The following PARP8 variants were observed in gnomAD, a reference collection of about 807,000 sequenced individuals.
PARP8 encodes the protein protein mono-ADP-ribosyltransferase PARP8.
In PARP8, 51 loss-of-function variants were observed where a neutral mutation model predicts 124.1. The observed-to-expected ratio is 0.41, with a 90% CI of 0.33 to 0.52. PARP8 has a LOEUF of 0.52. Ranked by LOEUF, PARP8 falls within the 20% of genes least tolerant of loss-of-function variation. The pLI, the probability that PARP8 is intolerant of heterozygous loss-of-function variation, is 0.21. For missense variants in PARP8, 860 were observed against 1,018.9 expected (o/e 0.84, Z 2.12); for synonymous variants, 391 against 361.5 (o/e 1.08, Z -0.93).
chr5:50,682,928 C>A (rs1438508435), intron 2 of PARP8, among the ~76,000 whole-genome samples: 4 of 57,026 alleles, frequency 7.0e-5, no homozygotes, highest in African/African-American at 1.9e-4. Context: ...GTCTAATAAG[C>A]GTGAGTACAT....
chr5:50,706,162 A>G (rs1754127806), intron 2 of PARP8, among the ~76,000 whole-genome samples: 1 of 152,134 alleles, frequency 6.6e-6, no homozygotes, highest in Non-Finnish European at 1.5e-5. Flanking sequence ...TATCAGTGTT[A>G]TATGTTAAAT....
intron 1 of PARP8, chr5:50,667,719 A>G: frequency 2.9e-6 from 2 of 700,170 alleles, no homozygotes; most frequent in Non-Finnish European, 5.2e-6. Context: ...CGGATTCCCA[A>G]GGCACCCAGC....
intron 2 of PARP8, among the ~76,000 whole-genome samples, chr5:50,721,587 T>A (rs1258707238): frequency 6.6e-6 from 1 of 152,088 alleles, no homozygotes; most frequent in East Asian, 1.9e-4. Context: ...GTTCTGTGCC[T>A]TTCATTTCTG....
Position 50,834,986 on chromosome 5 carries a change from T to C in PARP8, c.2433T>C (p.Thr811=), listed in dbSNP as rs1747404883. 1 of 1,613,270 alleles carries C rather than the reference T, an allele frequency of 6.2e-7. No homozygotes were observed. Among genetic ancestry groups the C allele is most frequent in the Non-Finnish European group, 8.5e-7 (1 of 1,179,590 alleles). The part of the protein sequence containing the change: ...KHGEIWVVPN[T]DHVCTRFFFV... Reference sequence around the variant, plus strand: ...GAGAGATATGGGTTGTCCCCAATACTGACCATGTCTGCACACGATTCTTTT... The same window carrying C: ...GAGAGATATGGGTTGTCCCCAATACCGACCATGTCTGCACACGATTCTTTT... Residue 811 remains threonine, a synonymous_variant, in exon 25 of 26, where the codon ACT becomes ACC. Coordinates refer to ENST00000281631, the MANE Select transcript of PARP8 (RefSeq NM_024615.4).
chr5:50,818,227 TTTTC>T (rs1196099728), intron 15 of PARP8, among the ~76,000 whole-genome samples: 2 of 84,608 alleles, frequency 2.4e-5, no homozygotes, highest in African/African-American at 1.9e-4. Flanking sequence ...CTTTTTTATT[TTTTC>T]TTTCTTTTCT....
At chr5:50,715,727 AC>A (rs1209590820) in intron 2 of PARP8, among the ~76,000 whole-genome samples, 1 of 152,134 alleles carries the variant, frequency 6.6e-6, no homozygotes, top group African/African-American at 2.4e-5. Flanking sequence ...TAGTATGTTT[AC>A]TTTTTAACTT....
At chr5:50,709,963 CAT>C (rs34133967) in intron 2 of PARP8, among the ~76,000 whole-genome samples, 4,768 of 103,706 alleles carry the variant, frequency 0.046, 126 homozygotes, top group Non-Finnish European at 0.071. Flanking sequence ...TATACACATA[CAT>C]ATATACACAC....
At chr5:50,683,608 C>T (rs1207443257) in intron 2 of PARP8, among the ~76,000 whole-genome samples, 1 of 124,202 alleles carries the variant, frequency 8.1e-6, no homozygotes, top group Non-Finnish European at 1.8e-5. Flanking sequence ...ATCTCACTGA[C>T]ACATATTTTC....
intron 2 of PARP8, among the ~76,000 whole-genome samples, chr5:50,693,148 T>C (rs1561252711): frequency 1.3e-5 from 2 of 152,220 alleles, no homozygotes; most frequent in Non-Finnish European, 2.9e-5. Context: ...ATGCTTTTTT[T>C]CTTGCCTTAA....
intron 3 of PARP8, among the ~76,000 whole-genome samples, chr5:50,754,512 CTCA>C (rs1159171588): frequency 1.3e-5 from 2 of 152,052 alleles, no homozygotes; most frequent in Non-Finnish European, 2.9e-5. Context: ...AGGACATGAA[CTCA>C]TCATTTTTTA....
rs34347134 is a variant in PARP8, at chr5:50,819,427, C to CTTTTTTT, written c.1669-1762_1669-1756dup. Among the ~76,000 whole-genome samples, 157 of 46,658 alleles carry CTTTTTTT rather than the reference C, an allele frequency of 3.4e-3. 14 individuals carry two copies. The highest frequency in any genetic ancestry group is 8.7e-3 in the African/African-American group (92 of 10,584). 30.6% of individuals were successfully genotyped at this position (46,658 alleles called of 152,430 possible). On this transcript the variant is annotated intron_variant, in intron 15 of 25. Coordinates refer to ENST00000281631, the MANE Select transcript of PARP8 (RefSeq NM_024615.4). ...GTCTCAGAAAAGGCTATTTTATCTT[C>CTTTTTTT]TTTTTTTTTTTTTTTTTTTTTTTTT...
chr5:50,746,800 G>A (rs2149544197), intron 2 of PARP8, among the ~76,000 whole-genome samples: 1 of 152,246 alleles, frequency 6.6e-6, no homozygotes, highest in Non-Finnish European at 1.5e-5. Context: ...GCTGAGGCAG[G>A]AAGATCACTT....
chr5:50,832,231 T>G (rs1259781387), intron 22 of PARP8, among the ~76,000 whole-genome samples: 1 of 152,184 alleles, frequency 6.6e-6, no homozygotes, highest in Admixed American at 6.5e-5. Context: ...AAAACAGATG[T>G]GTATTTTAGT....
At chr5:50,705,018 C>T (rs187546577) in intron 2 of PARP8, among the ~76,000 whole-genome samples, 1 of 152,294 alleles carries the variant, frequency 6.6e-6, no homozygotes, top group East Asian at 1.9e-4. Flanking sequence ...ACAAATATGA[C>T]ATTTACAAAT....
intron 10 of PARP8, among the ~76,000 whole-genome samples, chr5:50,794,003 T>G (rs1445524149): frequency 1.3e-5 from 2 of 152,152 alleles, no homozygotes; most frequent in Non-Finnish European, 2.9e-5. Context: ...TACTGTGATA[T>G]AACCAGTCAC....
rs773105648 is a variant in PARP8, at chr5:50,795,122, C to G, written c.1133C>G (p.Thr378Ser). 6.2e-7 allele frequency: 1 copy of G among 1,614,214 alleles called. No individual in the cohort carries two copies. Among genetic ancestry groups the G allele is most frequent in the Non-Finnish European group, 8.5e-7 (1 of 1,180,046 alleles). ...PAAVKSEECLTLKSHRLLTRS... is the reference protein window; with the variant it reads ...PAAVKSEECLSLKSHRLLTRS... ...GCTGTTAAGTCAGAGGAATGCCTAA[C>G]TCTAAAGTCGCATAGACTATTGACT... Residue 378 changes from threonine to serine, a missense_variant, in exon 12 of 26, where the codon ACT (threonine) becomes AGT (serine). Coordinates refer to ENST00000281631, the MANE Select transcript of PARP8 (RefSeq NM_024615.4).
intron 21 of PARP8, among the ~76,000 whole-genome samples, chr5:50,828,858 C>T (rs1746635468): frequency 6.6e-6 from 1 of 151,704 alleles, no homozygotes; most frequent in South Asian, 2.1e-4. Flanking sequence ...ACCACTGTAC[C>T]TCAGCCTGGG....
chr5:50,801,363 T>A (rs936063018), intron 14 of PARP8, among the ~76,000 whole-genome samples: 3 of 152,116 alleles, frequency 2.0e-5, no homozygotes, highest in African/African-American at 7.2e-5. Context: ...CCTTCCAAAG[T>A]GATGGGATTA....
intron 1 of PARP8, chr5:50,667,679 C>T (rs1216559864): frequency 1.1e-5 from 8 of 699,720 alleles, no homozygotes; most frequent in Non-Finnish European, 1.6e-5. Flanking sequence ...CCCTCTAGTC[C>T]CCTCCGACTG....
Sources: gnomAD v4.1 joint callset for allele counts (sites outside exome capture counted in the v4.1 genomes callset) on GRCh38, gnomAD v4.1.1 for gene constraint, MANE v1.5 for transcripts, NCBI Gene and HGNC (gene_info 2026-07-23, HGNC 2026-07-21) for gene names.